Variants in SLCO4A1 observed in about 807,000 individuals in gnomAD.
SLCO4A1 encodes solute carrier organic anion transporter family member 4A1.
SLCO4A1 carries 51 observed loss-of-function variants against 64.6 expected under a neutral mutation model. That is an observed-to-expected ratio of 0.79 (90% CI 0.63 to 1.00). The LOEUF (loss-of-function observed/expected upper bound fraction) is 1.00. SLCO4A1 is among the 50% of genes least tolerant of loss of function. The pLI is 0.00. For synonymous variants in SLCO4A1, 471 were observed against 444.9 expected, an observed-to-expected ratio of 1.06 and a Z score of -0.74; for missense variants, 919 against 980.5, an observed-to-expected ratio of 0.94 and a Z score of 0.84.
intron 5 of SLCO4A1, among the ~76,000 whole-genome samples, chr20:62,662,447 C>G (rs757190936): frequency 3.3e-4 from 51 of 152,274 alleles, no homozygotes; most frequent in Middle Eastern, 3.4e-3. Context: ...ACCTAGGAAC[C>G]CTGGGGCTCT....
intron 1 of SLCO4A1, chr20:62,649,570 A>G: frequency 6.6e-6 from 1 of 152,518 alleles, no homozygotes; most frequent in Non-Finnish European, 1.5e-5. Context: ...AGATGCAGTC[A>G]GGGTGTTCAG....
intron 11 of SLCO4A1, among the ~76,000 whole-genome samples, chr20:62,670,739 C>CGTA (rs1987099230): frequency 6.6e-6 from 1 of 152,244 alleles, no homozygotes; most frequent in Non-Finnish European, 1.5e-5. Context: ...CAGCGGGAGC[C>CGTA]GTATCCAGAG....
Position 62,668,478 on chromosome 20 carries a change from T to C in SLCO4A1, c.1813T>C (p.Cys605Arg). 1.2e-6 allele frequency: 2 copies of C among 1,613,870 alleles called. No homozygotes were observed. Among genetic ancestry groups the C allele is most frequent in the Non-Finnish European group, 1.7e-6 (2 of 1,179,948 alleles). Residue 605 changes from cysteine to arginine, a missense_variant and splice_region_variant, in exon 10 of 12, where the codon TGT (cysteine) becomes CGT (arginine). Cys to Arg is a radical substitution (Grantham distance 180). Transcript: ENST00000217159. Reference sequence around the variant, plus strand: ...TGACGCTGTGGTTTTCTATTGCAGATGTGTCCGTGACCCTCAGAGATCCTT... The same window carrying C: ...TGACGCTGTGGTTTTCTATTGCAGACGTGTCCGTGACCCTCAGAGATCCTT... ...SIPALTATLR[C>R]VRDPQRSFAL...
At chr20:62,682,503 G>A (rs770437972) in intron 2 of SLCO4A1, among the ~76,000 whole-genome samples, 1 of 152,244 alleles carries the variant, frequency 6.6e-6, no homozygotes, top group Non-Finnish European at 1.5e-5. Context: ...GGGGACAGAT[G>A]AGCATGGAGA....
rs1236352015 is a variant in SLCO4A1 at position 62,657,189 on chromosome 20, C to T, written c.735C>T (p.Tyr245=). 2 of 1,551,990 alleles carry T rather than the reference C, an allele frequency of 1.3e-6. No individual in the cohort carries two copies. Among genetic ancestry groups the T allele is most frequent in the African/African-American group, 2.7e-5 (2 of 73,214 alleles). The change falls in exon 2 of 12, where the codon TAC becomes TAT. Residue 245 remains tyrosine (Y), a synonymous_variant. Coordinates refer to ENST00000217159, the MANE Select transcript of SLCO4A1 (RefSeq NM_016354.4). ...FLHGVGATPL[Y]TLGVTYLDEN... ...ATGGCGTGGGTGCCACACCCCTCTA[C>T]ACGCTGGGCGTCACCTACCTGGATG...
At chr20:62,660,169 G>A (rs1222094162) in intron 3 of SLCO4A1, among the ~76,000 whole-genome samples, 1 of 152,198 alleles carries the variant, frequency 6.6e-6, no homozygotes, top group Non-Finnish European at 1.5e-5. Context: ...CTCCAGCCCT[G>A]GAGCGTGGGC....
rs545956813 is a variant in SLCO4A1 at position 62,661,413 on chromosome 20, C to T, written c.1121+238C>T. ...TCCCAGAGTGGGGCCGGGGCCTCGG[C>T]CCGCACCCAGGGAGCCATCACTTCA... On this transcript the variant is annotated intron_variant, in intron 5 of 11. Coordinates refer to ENST00000217159, the MANE Select transcript of SLCO4A1 (RefSeq NM_016354.4). The surrounding 1 kb of genome is among the most constrained non-coding windows in gnomAD (Gnocchi z 5.2). Among the ~76,000 whole-genome samples, 36 of 152,164 alleles carry T rather than the reference C, an allele frequency of 2.4e-4. No individual in the cohort carries two copies. The highest frequency in any genetic ancestry group is 4.6e-4 in the Non-Finnish European group (31 of 67,970).
intron 1 of SLCO4A1, among the ~76,000 whole-genome samples, chr20:62,647,761 C>T (rs960425064): frequency 2.6e-5 from 4 of 152,350 alleles, no homozygotes; most frequent in African/African-American, 7.2e-5. Flanking sequence ...TGCCCACACA[C>T]GGGGATACAG....
Position 62,642,561 on chromosome 20 carries a change from CGCGGGGA to C in SLCO4A1, c.-97+18_-97+24del, listed in dbSNP as rs1281804284. On this transcript the variant is annotated intron_variant, in intron 1 of 11. Coordinates refer to ENST00000217159, the MANE Select transcript of SLCO4A1 (RefSeq NM_016354.4). ...GCCCTCGAGACGGGGACGGTGAGTGCGCGGGGAGCGGGGAGCTGGCGCGGGTGCACAG... is the reference window on the plus strand; with the variant it reads ...GCCCTCGAGACGGGGACGGTGAGTGCGCGGGGAGCTGGCGCGGGTGCACAG... 5.2e-6 allele frequency: 1 copy of C among 192,612 alleles called. No individual in the cohort carries two copies. The highest frequency in any genetic ancestry group is 1.1e-5 in the Non-Finnish European group (1 of 93,040). The allele number at this position is 192,612 out of a possible 1,614,324, so 11.9% of individuals were successfully genotyped here.
At position 62,644,292 on chromosome 20, in the gene SLCO4A1, T is replaced by C. The variant is rs557257675; in HGVS notation, c.-97+1739T>C. Among the ~76,000 whole-genome samples, 5 of 152,372 alleles carry C rather than the reference T, an allele frequency of 3.3e-5. No homozygotes were observed. The South Asian group carries it at 1.0e-3, about 32-fold the overall frequency. On this transcript the variant is annotated intron_variant, in intron 1 of 11. Coordinates refer to ENST00000217159, the MANE Select transcript of SLCO4A1 (RefSeq NM_016354.4). This position sits in a 1 kb window ranked among gnomAD's most constrained non-coding sequence, Gnocchi z 5.4. ...TGCCCTGACCGCCCTCAGCAGGCTG[T>C]GTCCTGCCTTCCTGCTGGGCAAGGT...
chr20:62,669,045 C>T lies in SLCO4A1; in HGVS notation c.1992C>T (p.Ser664=). 1 of 1,611,346 alleles carries T rather than the reference C, an allele frequency of 6.2e-7. No homozygotes were observed. The highest frequency in any genetic ancestry group is 1.1e-5 in the South Asian group (1 of 91,088). Residue 664 remains serine, a synonymous_variant, in exon 11 of 12, where the codon AGC becomes AGT. Coordinates refer to ENST00000217159, the MANE Select transcript of SLCO4A1 (RefSeq NM_016354.4). ...TGGTGTACCAGAATTCGGCCATGAGCCGCTACATACTCATCATGGGGCTCC... is the reference window on the plus strand; with the variant it reads ...TGGTGTACCAGAATTCGGCCATGAGTCGCTACATACTCATCATGGGGCTCC... ...SCLVYQNSAM[S]RYILIMGLLY...
At chr20:62,669,744 G>A (rs1355760481) in intron 11 of SLCO4A1, among the ~76,000 whole-genome samples, 1 of 152,188 alleles carries the variant, frequency 6.6e-6, no homozygotes, top group Non-Finnish European at 1.5e-5. Flanking sequence ...ACGGACCCAG[G>A]AGAGTTCATC....
chr20:62,643,179 C>G (rs1251329881), intron 1 of SLCO4A1: 1 of 349,640 alleles, frequency 2.9e-6, no homozygotes, highest in Non-Finnish European at 6.0e-6. Context: ...GCCCCTTTCC[C>G]TGCCCCACCA....
In SLCO4A1 at chr20:62,668,204, G is replaced by A. The variant is rs1986721671; in HGVS notation, c.1811+20G>A. The A allele has an allele frequency of 6.2e-7, 1 of 1,613,348 alleles. No individual in the cohort carries two copies. Among genetic ancestry groups the A allele is most frequent in the Non-Finnish European group, 8.5e-7 (1 of 1,179,698 alleles). On this transcript the variant is annotated intron_variant, in intron 9 of 11. Coordinates refer to ENST00000217159, the MANE Select transcript of SLCO4A1 (RefSeq NM_016354.4). ...TCTACGGTAAGCTGGGGTCGGGTGTGCGCTTGTCCAGAGCTTTCCTTGCAG... is the reference window on the plus strand; with the variant it reads ...TCTACGGTAAGCTGGGGTCGGGTGTACGCTTGTCCAGAGCTTTCCTTGCAG...
chr20:62,681,862 T>A (rs1214381913), intron 2 of SLCO4A1, among the ~76,000 whole-genome samples: 2 of 144,700 alleles, frequency 1.4e-5, no homozygotes, highest in Admixed American at 7.1e-5. Flanking sequence ...ACAGGACTAT[T>A]CACTTTATCT....
At chr20:62,660,620 C>G in intron 4 of SLCO4A1, 87 bp downstream of exon 4, 1 of 1,447,564 alleles carries the variant, frequency 6.9e-7, no homozygotes, top group Non-Finnish European at 9.5e-7. Context: ...CCTCTGCTGT[C>G]TTTTTCCCCG....
At position 62,656,591 on chromosome 20, in the gene SLCO4A1, C is replaced by A; in HGVS notation, c.137C>A (p.Ser46Tyr). Reference protein sequence around the residue: ...GTPLSPGSLRSAAHSPLDTSK... With the variant: ...GTPLSPGSLRYAAHSPLDTSK... ...CCCCTGAGCCCCGGCTCCCTCCGCT[C>A]CGCTGCCCATAGCCCCCTGGACACC... The change falls in exon 2 of 12, where the codon TCC becomes TAC. Residue 46 changes from serine to tyrosine, a missense_variant. Physicochemically the swap from Ser to Tyr is moderately radical, Grantham distance 144 (BLOSUM62 -2). Transcript: ENST00000217159. 1 of 1,595,648 alleles carries A rather than the reference C, an allele frequency of 6.3e-7. No homozygotes were observed. The highest frequency in any genetic ancestry group is 8.5e-7 in the Non-Finnish European group (1 of 1,173,960).
At chr20:62,674,993 G>A (rs1462020732), downstream of SLCO4A1, among the ~76,000 whole-genome samples, 2 of 152,196 alleles carry the variant, frequency 1.3e-5, no homozygotes, top group Non-Finnish European at 2.9e-5. Context: ...AGCTGACGGA[G>A]GCTGTAGAGT....
chr20:62,662,770 A>C (rs1199362314), intron 5 of SLCO4A1, among the ~76,000 whole-genome samples: 1 of 51,458 alleles, frequency 1.9e-5, no homozygotes, highest in Non-Finnish European at 3.9e-5. Flanking sequence ...GGACCCCCCC[A>C]GGGTGCCCAC....
Sources: gnomAD v4.1 joint callset for allele counts (sites outside exome capture counted in the v4.1 genomes callset) on GRCh38, gnomAD v4.1.1 for gene constraint, Gnocchi (gnomAD v3.1) non-coding constraint, MANE v1.5 for transcripts, NCBI Gene and HGNC (gene_info 2026-07-23, HGNC 2026-07-21) for gene names.